The following EPB41 variants were observed in gnomAD, a reference collection of about 807,000 sequenced individuals.
The protein encoded by EPB41 is protein 4.1.
Under a neutral mutation model 108.0 loss-of-function variants are expected in EPB41, and 65 were observed. That is an observed-to-expected ratio of 0.60 (90% confidence interval 0.49 to 0.74). The LOEUF is 0.74. Among genes scored for constraint, EPB41 ranks in the 30% least tolerant of loss-of-function variants. The pLI is 0.00. For missense variants in EPB41, 875 were observed against 1,037.0 expected (o/e 0.84, Z 2.15); for synonymous variants, 336 against 358.9 (o/e 0.94, Z 0.72).
At chr1:29,044,612 C>T (rs1037033823) in intron 11 of EPB41, among the ~76,000 whole-genome samples, 2 of 151,994 alleles carry the variant, frequency 1.3e-5, no homozygotes, top group Admixed American at 6.6e-5. Flanking sequence ...GAGGCTGAGG[C>T]GGGCGGATCA....
intron 4 of EPB41, among the ~76,000 whole-genome samples, chr1:28,999,186 C>T (rs965459851): frequency 3.9e-4 from 59 of 152,078 alleles, no homozygotes; most frequent in African/African-American, 1.3e-3. Context: ...CTGGCTAACA[C>T]GGTGAAACTC....
chr1:29,017,890 T>G (rs2096596870), intron 6 of EPB41, among the ~76,000 whole-genome samples: 1 of 152,182 alleles, frequency 6.6e-6, no homozygotes, highest in South Asian at 2.1e-4. Flanking sequence ...TGGTACTTAG[T>G]ATACTTAAAA....
At chr1:28,889,890 C>G (rs2089921151) in intron 1 of EPB41, 1 of 963,790 alleles carries the variant, frequency 1.0e-6, no homozygotes, top group East Asian at 1.1e-4. Context: ...AGAGGGCTCA[C>G]CACAGAGTTA....
At chr1:28,933,980 A>G (rs1445520858) in intron 1 of EPB41, among the ~76,000 whole-genome samples, 1 of 152,064 alleles carries the variant, frequency 6.6e-6, no homozygotes, top group Non-Finnish European at 1.5e-5. Flanking sequence ...TTTTATTCAG[A>G]TTTCCTCAGG....
chr1:29,053,408 C>T, intron 12 of EPB41, 96 bp downstream of exon 12: 1 of 1,240,374 alleles, frequency 8.1e-7, no homozygotes, highest in Admixed American at 1.9e-5. Context: ...TGCTTATTCT[C>T]ATAGACTCAA....
chr1:28,931,371 T>C (rs1185330137), intron 1 of EPB41, among the ~76,000 whole-genome samples: 1 of 111,246 alleles, frequency 9.0e-6, no homozygotes, highest in East Asian at 2.3e-4. Flanking sequence ...GACTCTGTCA[T>C]TAAAAAAAAA....
At chr1:28,913,294 T>C (rs2092356134), upstream of EPB41, among the ~76,000 whole-genome samples, 1 of 151,896 alleles carries the variant, frequency 6.6e-6, no homozygotes, top group Non-Finnish European at 1.5e-5. Flanking sequence ...AAAAATTAGC[T>C]GGGCGTGGTG....
At chr1:29,106,563 G>GGTTTTTTT (rs1558324414) in intron 17 of EPB41, among the ~76,000 whole-genome samples, 3 of 37,146 alleles carry the variant, frequency 8.1e-5, no homozygotes, top group Non-Finnish European at 2.1e-4. Context: ...GAGTAGCTGG[G>GGTTTTTTT]ATTTTTTTTT....
chr1:28,918,076 G>C (rs1310134202), intron 1 of EPB41, among the ~76,000 whole-genome samples: 1 of 152,196 alleles, frequency 6.6e-6, no homozygotes, highest in Non-Finnish European at 1.5e-5. Context: ...GAGGAGCATA[G>C]ATGTAGACCA....
At chr1:29,010,778 C>T (rs567488391) in intron 4 of EPB41, among the ~76,000 whole-genome samples, 6 of 152,206 alleles carry the variant, frequency 3.9e-5, no homozygotes, top group African/African-American at 1.2e-4. Flanking sequence ...ATTCAGTAAA[C>T]GTTAACTGGG....
chr1:29,100,354 C>T (rs148441671), intron 17 of EPB41, among the ~76,000 whole-genome samples: 1,419 of 84,368 alleles, frequency 0.017, 31 homozygotes, highest in Middle Eastern at 0.034. Context: ...CCCAGCTACT[C>T]GGGAGGCTGA....
At position 28,966,766 on chromosome 1, in the gene EPB41, A is replaced by G. The variant is rs1201676482; in HGVS notation, c.-7-20665A>G. Among the ~76,000 whole-genome samples, 6 of 152,124 alleles carry G rather than the reference A, an allele frequency of 3.9e-5. No homozygotes were observed. In the East Asian group the frequency reaches 7.7e-4, roughly 20 times the overall value. On this transcript the variant is annotated intron_variant, in intron 1 of 20. Transcript: ENST00000343067. ...CCAGGCAGAAGAAACCACAAATCCT[A>G]AGGTCCTGGCAAATAGCATGCTTAC...
chr1:28,955,534 G>A (rs553578435), intron 1 of EPB41, among the ~76,000 whole-genome samples: 9 of 152,094 alleles, frequency 5.9e-5, no homozygotes, highest in South Asian at 4.1e-4. Context: ...TAGTAGAGAC[G>A]GAGTTTCACC....
At chr1:29,005,809 A>G (rs2096389888) in intron 4 of EPB41, among the ~76,000 whole-genome samples, 1 of 152,250 alleles carries the variant, frequency 6.6e-6, no homozygotes, top group Non-Finnish European at 1.5e-5. Context: ...AACCCATAGG[A>G]GACGGGTAAT....
At chr1:29,060,353 G>T (rs1341111101) in intron 14 of EPB41, 69 bp from the exon 15 acceptor site, 1 of 1,522,556 alleles carries the variant, frequency 6.6e-7, no homozygotes, top group African/African-American at 1.4e-5. Flanking sequence ...CCAATTTTCA[G>T]TTTTTTCCCG....
At chr1:28,900,702 T>C (rs2091197477) in intron 1 of EPB41, among the ~76,000 whole-genome samples, 1 of 152,100 alleles carries the variant, frequency 6.6e-6, no homozygotes, top group Non-Finnish European at 1.5e-5. Flanking sequence ...TTAAGTGCAC[T>C]AGTCTGTCTG....
rs755248112 is a variant in EPB41, at chr1:29,047,253, C to CTTTTTTTTTTTTTTTTTTT, written c.1637-5835_1637-5834insTTTTTTTTTTTTTTTTTTT. Among the ~76,000 whole-genome samples the CTTTTTTTTTTTTTTTTTTT allele has an allele frequency of 5.9e-4, 59 of 100,518 alleles. 4 individuals are homozygous for CTTTTTTTTTTTTTTTTTTT. Among genetic ancestry groups the CTTTTTTTTTTTTTTTTTTT allele is most frequent in the African/African-American group, 1.1e-3 (21 of 19,752 alleles). The allele number at this position is 100,518 out of a possible 152,430, so 65.9% of individuals were successfully genotyped here. ...TGTTTCTTTTTTCTTTCTTTCTTTC[C>CTTTTTTTTTTTTTTTTTTT]TTTTTTTTTTTTTTTTGGAGAGAGA... On this transcript the variant is annotated intron_variant, in intron 11 of 20. Transcript: ENST00000343067.
chr1:29,049,039 A>C (rs925879744), intron 11 of EPB41, among the ~76,000 whole-genome samples: 1 of 152,148 alleles, frequency 6.6e-6, no homozygotes, highest in African/African-American at 2.4e-5. Flanking sequence ...GTATCAGGGA[A>C]ACTTTTACAA....
At chr1:29,068,905 C>T (rs1649842908) in intron 16 of EPB41, 1 of 824,298 alleles carries the variant, frequency 1.2e-6, no homozygotes, top group Non-Finnish European at 1.6e-6. Flanking sequence ...TTTGGCTATA[C>T]TAGTAAATTC....
Sources: gnomAD v4.1 joint callset for allele counts (sites outside exome capture counted in the v4.1 genomes callset) on GRCh38, gnomAD v4.1.1 for gene constraint, MANE v1.5 for transcripts, NCBI Gene and HGNC (gene_info 2026-07-23, HGNC 2026-07-21) for gene names.